Variants in SASH1 observed in about 807,000 individuals in gnomAD.
SASH1 encodes SAM and SH3 domain-containing protein 1.
In SASH1, 44 loss-of-function variants were observed where a neutral mutation model predicts 125.2. The ratio of observed to expected loss-of-function variants is 0.35; its 90% CI spans 0.28 to 0.45. The LOEUF (loss-of-function observed/expected upper bound fraction) is 0.45. Among genes scored for constraint, SASH1 ranks in the 20% least tolerant of loss-of-function variants. The pLI is 1.00. For synonymous variants in SASH1, 639 were observed against 649.1 expected (o/e 0.98, Z 0.24); for missense variants, 1,426 against 1,614.5 (o/e 0.88, Z 2.00).
chr6:148,473,034 C>A (rs951641591), intron 6 of SASH1, among the ~76,000 whole-genome samples: 3 of 152,178 alleles, frequency 2.0e-5, no homozygotes, highest in Non-Finnish European at 4.4e-5. Flanking sequence ...GAGGCAATAG[C>A]AGTCTGTTTG....
chr6:148,315,347 A>G lies in SASH1; in HGVS notation n.74+42970A>G, dbSNP rs370719009. Among the ~76,000 whole-genome samples the G allele has an allele frequency of 4.0e-4, 61 of 152,250 alleles. No homozygotes were observed. The South Asian group carries it at 0.012, about 31-fold the overall frequency. ...CTTTTTTATTTGTCTTATCAACACT[A>G]TGTCAGAGACTCTGTTATTGACCCC... On this transcript the variant is annotated intron_variant and non_coding_transcript_variant, in intron 1 of 3. Coordinates refer to the SASH1 transcript ENST00000367469.
chr6:148,325,434 G>T (rs112322344), intron 1 of SASH1, among the ~76,000 whole-genome samples: 1 of 151,908 alleles, frequency 6.6e-6, no homozygotes, highest in African/African-American at 2.4e-5. Context: ...ATGCCACCAC[G>T]CCCAGCTAAT....
At chr6:148,232,012 G>A in the SASH1 span, among the ~76,000 whole-genome samples, 1 of 151,826 alleles carries the variant, frequency 6.6e-6, no homozygotes, top group East Asian at 1.9e-4. Flanking sequence ...CTAGCAACTT[G>A]TCTAGCAGCA....
At chr6:148,456,099 T>C (rs1777331824) in intron 4 of SASH1, among the ~76,000 whole-genome samples, 1 of 152,078 alleles carries the variant, frequency 6.6e-6, no homozygotes, top group African/African-American at 2.4e-5. Flanking sequence ...ACTGAGAAAG[T>C]CCTGACCTGC....
intron 4 of SASH1, among the ~76,000 whole-genome samples, chr6:148,451,395 A>G (rs1298271809): frequency 6.6e-6 from 1 of 152,240 alleles, no homozygotes; most frequent in South Asian, 2.1e-4. Flanking sequence ...AACATTTGAC[A>G]TAGTAGCTTC....
chr6:148,504,240 A>G (rs9498052), intron 8 of SASH1, among the ~76,000 whole-genome samples: 7,880 of 152,234 alleles, frequency 0.052, 246 homozygotes, highest in African/African-American at 0.088. Context: ...CCATCAGGGC[A>G]GTGATGGGCA....
At position 148,543,929 on chromosome 6, in the gene SASH1, G is replaced by A. The variant is rs144633784; in HGVS notation, c.2459G>A (p.Arg820Gln). ...NRRSLPVSIC[R>Q]SCETLEGPQT... is the part of the protein sequence containing the mutation. ...AGAAGCCTCCCAGTTTCCATCTGCC[G>A]GAGCTGTGAGACCCTGGAGGGCCCC... Residue 820 changes from arginine to glutamine, a missense_variant, in exon 18 of 20, where the codon CGG (arginine) becomes CAG (glutamine). By Grantham distance (43) the Arg-to-Gln change is conservative (BLOSUM62 1). Transcript: ENST00000367467. 2,572 of 1,614,164 alleles carry A rather than the reference G, an allele frequency of 1.6e-3. 11 individuals are homozygous for A. Among genetic ancestry groups the A allele is most frequent in the South Asian group, 6.3e-3 (576 of 91,072 alleles).
intron 1 of SASH1, among the ~76,000 whole-genome samples, chr6:148,322,965 C>T (rs114248405): frequency 0.013 from 1,813 of 144,508 alleles, 60 homozygotes; most frequent in African/African-American, 0.043. Context: ...CTCCCTCCCT[C>T]TCTACTTCCC....
intron 4 of SASH1, chr6:148,440,654 A>C (rs1443892833): frequency 1.0e-5 from 5 of 502,012 alleles, no homozygotes; most frequent in African/African-American, 7.7e-5. Context: ...ATAAACCCTA[A>C]ATAAATCTCC....
the SASH1 span, among the ~76,000 whole-genome samples, chr6:148,202,089 G>A: frequency 6.6e-6 from 1 of 151,784 alleles, no homozygotes; most frequent in East Asian, 1.9e-4. Context: ...GGGTGTACAT[G>A]CAGCAGGGTG....
chr6:148,204,238 A>G, the SASH1 span, among the ~76,000 whole-genome samples: 1 of 152,344 alleles, frequency 6.6e-6, no homozygotes, highest in South Asian at 2.1e-4. Context: ...GAGGTTTAAG[A>G]AGGAAGTGGT....
At chr6:148,500,245 A>G (rs1230674859) in intron 8 of SASH1, among the ~76,000 whole-genome samples, 2 of 149,624 alleles carry the variant, frequency 1.3e-5, no homozygotes, top group Non-Finnish European at 3.0e-5. Context: ...TCCTTTCAAG[A>G]TACAGTTGAG....
At chr6:148,318,811 A>G (rs999330005) in intron 1 of SASH1, among the ~76,000 whole-genome samples, 2 of 152,018 alleles carry the variant, frequency 1.3e-5, no homozygotes, top group East Asian at 1.9e-4. Context: ...TCAGCCTCCC[A>G]AAGTGCTGGG....
At chr6:148,217,156 C>T in the SASH1 span, among the ~76,000 whole-genome samples, 1 of 152,194 alleles carries the variant, frequency 6.6e-6, no homozygotes, top group Non-Finnish European at 1.5e-5. Flanking sequence ...CACTGAGTCC[C>T]TGAGTACACA....
chr6:148,394,845 T>C (rs1405056756), intron 2 of SASH1, among the ~76,000 whole-genome samples: 2 of 152,120 alleles, frequency 1.3e-5, no homozygotes, highest in Admixed American at 6.5e-5. Flanking sequence ...GGTTTCACCA[T>C]GTTGGTCAGG....
At chr6:148,271,955 G>C (rs1278316945), upstream of SASH1, among the ~76,000 whole-genome samples, 1 of 152,132 alleles carries the variant, frequency 6.6e-6, no homozygotes, top group Non-Finnish European at 1.5e-5. Flanking sequence ...GGGGCATTTG[G>C]ATCACTGTTG....
At chr6:148,290,640 G>T (rs565861430) in intron 1 of SASH1, among the ~76,000 whole-genome samples, 1 of 151,952 alleles carries the variant, frequency 6.6e-6, no homozygotes, top group East Asian at 2.0e-4. Context: ...TGCAAGATGT[G>T]CTTTGTTAAA....
intron 2 of SASH1, 54 bp downstream of exon 2, chr6:148,390,316 G>T: frequency 5.1e-6 from 8 of 1,566,306 alleles, no homozygotes; most frequent in Non-Finnish European, 6.9e-6. Context: ...TCCAATTTGG[G>T]CTTTTCCTTG....
At position 148,544,294 on chromosome 6, in the gene SASH1, G is replaced by A. The variant is rs527934843; in HGVS notation, c.2824G>A (p.Gly942Ser). The change falls in exon 18 of 20, where the codon GGT (glycine) becomes AGT (serine). Residue 942 changes from glycine (G) to serine (S), a missense_variant. By Grantham distance (56) the Gly-to-Ser change is moderately conservative. This residue lies in a region of SASH1 where 634 missense variants were observed against 694.4 expected (regional missense o/e 0.91). Transcript: ENST00000367467. The surrounding 1 kb of genome is among the most constrained non-coding windows in gnomAD (Gnocchi z 6.4). Reference protein sequence around the residue: ...YDAQPPGAKHGLARTPLEGHR... With the variant: ...YDAQPPGAKHSLARTPLEGHR... ...TGCTCAGCCTCCTGGAGCTAAACACGGTTTAGCAAGGACGCCTCTGGAGGG... is the reference window on the plus strand; with the variant it reads ...TGCTCAGCCTCCTGGAGCTAAACACAGTTTAGCAAGGACGCCTCTGGAGGG... The A allele has an allele frequency of 8.5e-5, 137 of 1,614,066 alleles. No homozygotes were observed. In the South Asian group the frequency reaches 1.0e-3, roughly 12 times the overall value.
Sources: allele counts gnomAD v4.1 joint callset (sites outside exome capture counted in the v4.1 genomes callset), GRCh38; gene constraint gnomAD v4.1.1; regional missense constraint gnomAD v4.1.1; non-coding constraint Gnocchi (gnomAD v3.1); transcripts MANE v1.5; gene names NCBI Gene and HGNC (gene_info 2026-07-23, HGNC 2026-07-21).